The following CEBPZ variants were observed in gnomAD, a reference collection of about 807,000 sequenced individuals.
The protein encoded by CEBPZ is CCAAT enhancer binding protein zeta.
In CEBPZ, 78 loss-of-function variants were observed where a neutral mutation model predicts 104.5. That is an observed-to-expected ratio of 0.75 (90% CI 0.62 to 0.90). CEBPZ has a LOEUF of 0.90. CEBPZ is among the 40% of genes least tolerant of loss of function. The pLI, the probability that CEBPZ is intolerant of heterozygous loss-of-function variation, is 0.00. For synonymous variants in CEBPZ, 470 were observed against 427.0 expected (o/e 1.10, Z -1.24); for missense variants, 1,439 against 1,233.5 (o/e 1.17, Z -2.50).
chr2:37,222,263 AAC>A (rs745602966), intron 4 of CEBPZ, 115 bp downstream of exon 4: 346 of 873,044 alleles, frequency 4.0e-4, no homozygotes, highest in Non-Finnish European at 5.5e-4. Context: ...CAGCCTGGGC[AAC>A]AGAGTGAGAC....
At chr2:37,214,004 C>CTAA in intron 9 of CEBPZ, 43 bp from the exon 10 acceptor site, 1 of 1,072,498 alleles carries the variant, frequency 9.3e-7, no homozygotes, top group Non-Finnish European at 1.3e-6. Flanking sequence ...TATTAAAGGT[C>CTAA]TAATCTTACT....
chr2:37,201,948 C>G, intron 15 of CEBPZ, 45 bp from the exon 16 acceptor site: 1 of 1,565,056 alleles, frequency 6.4e-7, no homozygotes, highest in Non-Finnish European at 8.7e-7. Context: ...ACACTGTAGA[C>G]TCTTGGTGGT....
intron 5 of CEBPZ, 55 bp downstream of exon 5, chr2:37,220,324 AAAAAAT>A: frequency 1.8e-6 from 1 of 555,046 alleles, no homozygotes; most frequent in Non-Finnish European, 2.7e-6. Flanking sequence ...TCAAAAAAAA[AAAAAAT>A]ATATATATAT....
chr2:37,208,338 T>C (rs750018400), intron 13 of CEBPZ, among the ~76,000 whole-genome samples: 6 of 151,738 alleles, frequency 4.0e-5, no homozygotes, highest in African/African-American at 4.8e-5. Context: ...GGAAATGACA[T>C]AACAAAAGAA....
In CEBPZ at chr2:37,213,891, C is replaced by T. The variant is rs1180202599; in HGVS notation, c.2518G>A (p.Asp840Asn). 6.8e-6 allele frequency: 11 copies of T among 1,606,928 alleles called. No individual in the cohort carries two copies. The highest frequency in any genetic ancestry group is 9.3e-6 in the Non-Finnish European group (11 of 1,177,238). The change falls in exon 10 of 16, where the codon GAT (aspartate) becomes AAT (asparagine). Residue 840 changes from aspartate to asparagine, a missense_variant. By Grantham distance (23) the Asp-to-Asn change is conservative. Coordinates refer to ENST00000234170, the MANE Select transcript of CEBPZ (RefSeq NM_005760.3). ...ATCAGCTCTTCAAATTCTTCATCAT[C>T]CACGTCTTCTATACTTTCTTCATCT... ...DADEESIEDVDDEEFEELIDT... is the reference protein window; with the variant it reads ...DADEESIEDVNDEEFEELIDT...
chr2:37,230,789 A>C (rs961832969), intron 1 of CEBPZ, among the ~76,000 whole-genome samples: 13 of 152,264 alleles, frequency 8.5e-5, no homozygotes, highest in African/African-American at 2.9e-4. Flanking sequence ...TTGCTGTTCC[A>C]ACTGACTGGA....
chr2:37,212,090 T>C, intron 11 of CEBPZ, 51 bp from the exon 12 acceptor site: 3 of 1,501,350 alleles, frequency 2.0e-6, no homozygotes, highest in Non-Finnish European at 2.7e-6. Context: ...TTTTCTAAAG[T>C]AGTGTTTTGC....
chr2:37,218,116 A>G (rs1220672661), intron 5 of CEBPZ, among the ~76,000 whole-genome samples: 1 of 150,888 alleles, frequency 6.6e-6, no homozygotes, highest in African/African-American at 2.4e-5. Context: ...AAATACAAAA[A>G]ATTAGCCAGG....
chr2:37,204,001 A>C (rs1401631893), intron 13 of CEBPZ: 2 of 152,202 alleles, frequency 1.3e-5, no homozygotes, highest in Non-Finnish European at 2.9e-5. Flanking sequence ...ATCATGTACA[A>C]GTCTTTGTAT....
chr2:37,213,669 C>T, intron 10 of CEBPZ, 195 bp downstream of exon 10: 1 of 466,302 alleles, frequency 2.1e-6, no homozygotes. Context: ...CTGCCTCGGC[C>T]TGCCAAAGTG....
intron 2 of CEBPZ, 70 bp from the exon 3 acceptor site, chr2:37,223,471 A>G: frequency 7.6e-7 from 1 of 1,311,160 alleles, no homozygotes; most frequent in Non-Finnish European, 1.1e-6. Flanking sequence ...CACATATTAG[A>G]AATAGCTACT....
At chr2:37,218,126 G>T (rs1459855157) in intron 5 of CEBPZ, among the ~76,000 whole-genome samples, 2 of 151,580 alleles carry the variant, frequency 1.3e-5, no homozygotes, top group Non-Finnish European at 2.9e-5. Context: ...AATTAGCCAG[G>T]CGTGGCGGTG....
chr2:37,212,682 G>T (rs1677761036), intron 10 of CEBPZ: 3 of 427,482 alleles, frequency 7.0e-6, no homozygotes, highest in East Asian at 9.1e-5. Context: ...TTTAGCAATT[G>T]TCGTCCTTTT....
At position 37,216,174 on chromosome 2, in the gene CEBPZ, TC is replaced by T; in HGVS notation, c.2345del (p.Arg782LysfsTer13). 1 of 1,613,276 alleles carries T rather than the reference TC, an allele frequency of 6.2e-7. No individual in the cohort carries two copies. Among genetic ancestry groups the T allele is most frequent in the Non-Finnish European group, 8.5e-7 (1 of 1,179,632 alleles). Reference protein sequence around the residue: ...NTDSVVMQPKRKHFIKDIRHL... With the variant: ...NTDSVVMQPKXKHFIKDIRHL... The stretch of plus-strand genomic sequence containing the variant: ...GACGAATATCCTTAATAAAATGTTT[TC>T]TTTTCGGCTGCATCACAACACTATC... On this transcript the variant is annotated frameshift_variant, in exon 8 of 16. Transcript: ENST00000234170. LOFTEE classifies it high-confidence loss of function.
In CEBPZ at chr2:37,202,834, G is replaced by GATCCCATAT. The variant is rs1677341050; in HGVS notation, c.2966_2974dup (p.Gly991_Ser992insTyrMetGly). On this transcript the variant is annotated inframe_insertion, in exon 15 of 16. Coordinates refer to ENST00000234170, the MANE Select transcript of CEBPZ (RefSeq NM_005760.3). ...ATTCATGCCAATGTTATCAAACTTG[G>GATCCCATAT]ATCCCATATTTTCATCCAATAGATG... is the stretch of plus-strand genomic sequence containing the variant. 6.2e-7 allele frequency: 1 copy of GATCCCATAT among 1,600,914 alleles called. No homozygotes were observed. Among genetic ancestry groups the GATCCCATAT allele is most frequent in the Non-Finnish European group, 8.5e-7 (1 of 1,174,184 alleles).
At chr2:37,226,517 A>G (rs1449083475) in intron 2 of CEBPZ, among the ~76,000 whole-genome samples, 1 of 152,216 alleles carries the variant, frequency 6.6e-6, no homozygotes, top group Non-Finnish European at 1.5e-5. Flanking sequence ...AAATCTTCAT[A>G]ATAATCATAT....
At chr2:37,211,730 A>C (rs967430348) in intron 12 of CEBPZ, 113 bp downstream of exon 12, 18 of 715,826 alleles carry the variant, frequency 2.5e-5, no homozygotes, top group Non-Finnish European at 3.7e-5. Flanking sequence ...TCTGGCTGAC[A>C]TGAGTATTAA....
Position 37,227,928 on chromosome 2 carries a change from C to A in CEBPZ, c.1265G>T (p.Gly422Val), listed in dbSNP as rs763810292. 38 of 1,614,046 alleles carry A rather than the reference C, an allele frequency of 2.4e-5. No homozygotes were observed. Among genetic ancestry groups the A allele is most frequent in the Non-Finnish European group, 3.0e-5 (35 of 1,180,044 alleles). The change falls in exon 2 of 16, where the codon GGT (glycine) becomes GTT (valine). Residue 422 changes from glycine (G) to valine (V), a missense_variant. Coordinates refer to ENST00000234170, the MANE Select transcript of CEBPZ (RefSeq NM_005760.3). ...KHPNMKGVVS[G>V]EVERLLFRSN... is the part of the protein sequence containing the mutation. The stretch of plus-strand genomic sequence containing the variant: ...GCGGAAGAGTAGCCTTTCTACTTCA[C>A]CAGACACAACTCCTTTCATATTGGG...
At chr2:37,220,607 A>G in intron 4 of CEBPZ, 134 bp from the exon 5 acceptor site, 1 of 433,116 alleles carries the variant, frequency 2.3e-6, no homozygotes, top group East Asian at 3.8e-5. Context: ...TAGATTAAAA[A>G]CTCTGAGCTC....
Sources: gnomAD v4.1 joint callset for allele counts (sites outside exome capture counted in the v4.1 genomes callset) on GRCh38, gnomAD v4.1.1 for gene constraint, MANE v1.5 for transcripts, NCBI Gene and HGNC (gene_info 2026-07-23, HGNC 2026-07-21) for gene names.